Variants in UBE2E2 observed in about 807,000 individuals in gnomAD.
UBE2E2 encodes the protein ubiquitin conjugating enzyme E2 E2.
Under a neutral mutation model 24.7 loss-of-function variants are expected in UBE2E2, and 6 were observed. The observed-to-expected ratio is 0.24, with a 90% CI of 0.13 to 0.48. The LOEUF is 0.48. Among genes scored for constraint, UBE2E2 ranks in the 20% least tolerant of loss-of-function variants. UBE2E2 has a pLI of 0.99. For synonymous variants in UBE2E2, 104 were observed against 83.6 expected (o/e 1.24, Z -1.33); for missense variants, 169 against 245.0 (o/e 0.69, Z 2.07).
At chr3:23,322,923 A>G (rs927353936) in intron 3 of UBE2E2, among the ~76,000 whole-genome samples, 3 of 151,820 alleles carry the variant, frequency 2.0e-5, no homozygotes, top group Non-Finnish European at 4.4e-5. Context: ...ATATTTATAT[A>G]TTTTTTCTAT....
At chr3:23,314,579 C>T (rs1458316466) in intron 3 of UBE2E2, among the ~76,000 whole-genome samples, 1 of 152,190 alleles carries the variant, frequency 6.6e-6, no homozygotes, top group African/African-American at 2.4e-5. Context: ...TCTTCTTGCT[C>T]ATTAATACCC....
At chr3:23,361,541 G>A (rs1310744828) in intron 3 of UBE2E2, among the ~76,000 whole-genome samples, 1 of 152,220 alleles carries the variant, frequency 6.6e-6, no homozygotes. Context: ...CTTAGATGGA[G>A]CTGGTGGACA....
At position 23,238,865 on chromosome 3, in the gene UBE2E2, A is replaced by G. The variant is rs556276986; in HGVS notation, c.227+21553A>G. Among the ~76,000 whole-genome samples the G allele has an allele frequency of 7.2e-5, 11 of 152,284 alleles. 1 individual carries two copies. In the South Asian group the frequency reaches 2.1e-3, roughly 29 times the overall value. The stretch of plus-strand genomic sequence containing the variant: ...AGGTGTGGAGTTTCCCACTTGTGGC[A>G]TCATGTCAGTGCTGAAAGTTTTTGA... On this transcript the variant is annotated intron_variant, in intron 3 of 5. Coordinates refer to ENST00000396703, the MANE Select transcript of UBE2E2 (RefSeq NM_152653.4).
chr3:23,364,758 T>A (rs1241501754), intron 3 of UBE2E2, among the ~76,000 whole-genome samples: 1 of 152,138 alleles, frequency 6.6e-6, no homozygotes, highest in African/African-American at 2.4e-5. Context: ...GGGAATCCTC[T>A]CTAATTCATT....
rs1320523287 is a variant in UBE2E2, at chr3:23,396,113, A to G, written c.228-103495A>G. 7.9e-5 allele frequency among the ~76,000 whole-genome samples: 12 copies of G among 151,650 alleles called. No individual in the cohort carries two copies. The East Asian group carries it at 1.7e-3, about 22-fold the overall frequency. The stretch of plus-strand genomic sequence containing the variant: ...TAAGACTTTTTAATGCATTTTCTAT[A>G]TTTAGTTATTTCACAAATTAGTATA... On this transcript the variant is annotated intron_variant, in intron 3 of 5. Transcript: ENST00000396703.
rs398051684 is a variant in UBE2E2, at chr3:23,246,222, A to ATTTTTTTTTTTTTT, written c.227+28912_227+28925dup. Among the ~76,000 whole-genome samples, 12 of 102,210 alleles carry ATTTTTTTTTTTTTT rather than the reference A, an allele frequency of 1.2e-4. 4 individuals are homozygous for ATTTTTTTTTTTTTT. Among genetic ancestry groups the ATTTTTTTTTTTTTT allele is most frequent in the Non-Finnish European group, 1.2e-4 (6 of 50,422 alleles). 67.1% of individuals were successfully genotyped at this position (102,210 alleles called of 152,430 possible). ...AGGTGTATGCCACCATGCGTGGCTA[A>ATTTTTTTTTTTTTT]TTTTTTTTTTTTTTTCGAGATGGAG... On this transcript the variant is annotated intron_variant, in intron 3 of 5. Coordinates refer to ENST00000396703, the MANE Select transcript of UBE2E2 (RefSeq NM_152653.4).
chr3:23,292,086 C>T (rs190648424), intron 3 of UBE2E2, among the ~76,000 whole-genome samples: 4,076 of 152,072 alleles, frequency 0.027, 119 homozygotes, highest in Middle Eastern at 0.095. Context: ...TCTTGATCTC[C>T]TGACCTCGTG....
At position 23,364,000 on chromosome 3, in the gene UBE2E2, G is replaced by C. The variant is rs373570749; in HGVS notation, c.228-135608G>C. On this transcript the variant is annotated intron_variant, in intron 3 of 5. Transcript: ENST00000396703. The stretch of plus-strand genomic sequence containing the variant: ...TCAATACTAAGAAAATTGCTCAAAA[G>C]CATACAATTACATGGAAATTATATA... Among the ~76,000 whole-genome samples the C allele has an allele frequency of 2.2e-4, 33 of 149,662 alleles. 2 individuals are homozygous for C. The South Asian group carries it at 6.8e-3, about 31-fold the overall frequency.
chr3:23,257,241 C>T (rs1186374896), intron 3 of UBE2E2, among the ~76,000 whole-genome samples: 1 of 152,264 alleles, frequency 6.6e-6, no homozygotes, highest in African/African-American at 2.4e-5. Context: ...TAATGACACC[C>T]AGAGCACATG....
chr3:23,333,257 A>G (rs1262682518), intron 3 of UBE2E2, among the ~76,000 whole-genome samples: 1 of 152,128 alleles, frequency 6.6e-6, no homozygotes, highest in Non-Finnish European at 1.5e-5. Context: ...TTCAATTTAA[A>G]TGTTTCTTAA....
At chr3:23,439,499 T>C (rs1477558269) in intron 3 of UBE2E2, among the ~76,000 whole-genome samples, 1 of 152,234 alleles carries the variant, frequency 6.6e-6, no homozygotes, top group Admixed American at 6.5e-5. Context: ...ATTTGAATTT[T>C]AAGCAAGTGA....
rs941568952 is a variant in UBE2E2, at chr3:23,589,441, C to A, written c.509-293C>A. On this transcript the variant is annotated intron_variant, in intron 5 of 5. Transcript: ENST00000396703. This position sits in a 1 kb window ranked among gnomAD's most constrained non-coding sequence, Gnocchi z 4.1. ...CTGTCTCAAAAGAAAAAAAAAAAAA[C>A]CAATACGAGGGGAGCAAGGTGAGAA... is the stretch of plus-strand genomic sequence containing the variant. 7.3e-5 allele frequency among the ~76,000 whole-genome samples: 11 copies of A among 150,462 alleles called. No homozygotes were observed. The highest frequency in any genetic ancestry group is 1.3e-4 in the Non-Finnish European group (9 of 67,544).
intron 3 of UBE2E2, among the ~76,000 whole-genome samples, chr3:23,313,692 T>G (rs763590238): frequency 7.9e-5 from 12 of 152,092 alleles, no homozygotes; most frequent in Non-Finnish European, 1.6e-4. Flanking sequence ...CTGTCTTGTT[T>G]TTTTAATCCT....
intron 3 of UBE2E2, among the ~76,000 whole-genome samples, chr3:23,262,396 G>C (rs976706063): frequency 1.3e-5 from 2 of 152,046 alleles, no homozygotes; most frequent in African/African-American, 2.4e-5. Context: ...TCTTGCCTCA[G>C]CCTCCCAAGT....
At chr3:23,461,765 G>T (rs1467289642) in intron 3 of UBE2E2, among the ~76,000 whole-genome samples, 2 of 152,070 alleles carry the variant, frequency 1.3e-5, no homozygotes, top group Non-Finnish European at 2.9e-5. Flanking sequence ...CCAGGATTAT[G>T]CTATTGCATA....
At chr3:23,588,674 C>T (rs955912843) in intron 5 of UBE2E2, among the ~76,000 whole-genome samples, 2 of 152,092 alleles carry the variant, frequency 1.3e-5, no homozygotes, top group Non-Finnish European at 2.9e-5. Flanking sequence ...ACTAACAGCA[C>T]CCTGTTAGTT....
intron 3 of UBE2E2, among the ~76,000 whole-genome samples, chr3:23,467,851 G>A (rs1378020932): frequency 6.6e-6 from 1 of 152,138 alleles, no homozygotes; most frequent in Non-Finnish European, 1.5e-5. Flanking sequence ...CATGGCAGAA[G>A]GTGAAGGGGA....
intron 3 of UBE2E2, among the ~76,000 whole-genome samples, chr3:23,238,685 T>C (rs1000626812): frequency 6.6e-6 from 1 of 152,226 alleles, no homozygotes; most frequent in African/African-American, 2.4e-5. Flanking sequence ...TGAGCGATCT[T>C]CAGGATGTGG....
chr3:23,239,586 T>G (rs1450437167), intron 3 of UBE2E2, among the ~76,000 whole-genome samples: 1 of 152,162 alleles, frequency 6.6e-6, no homozygotes, highest in Non-Finnish European at 1.5e-5. Flanking sequence ...GCATTTAGTT[T>G]TATAATAAAA....
Sources: allele counts gnomAD v4.1 joint callset (sites outside exome capture counted in the v4.1 genomes callset), GRCh38; gene constraint gnomAD v4.1.1; non-coding constraint Gnocchi (gnomAD v3.1); transcripts MANE v1.5; gene names NCBI Gene and HGNC (gene_info 2026-07-23, HGNC 2026-07-21).